Variants in SYT9 observed in about 807,000 individuals in gnomAD.
SYT9 encodes synaptotagmin 9.
Under a neutral mutation model 48.4 loss-of-function variants are expected in SYT9, and 22 were observed. The ratio of observed to expected loss-of-function variants is 0.45; its 90% CI spans 0.32 to 0.65. The LOEUF (loss-of-function observed/expected upper bound fraction) is 0.65. Among genes scored for constraint, SYT9 ranks in the 30% least tolerant of loss-of-function variants. SYT9 has a pLI of 0.03. For synonymous variants in SYT9, 265 were observed against 245.0 expected (o/e 1.08, Z -0.76); for missense variants, 577 against 622.0 (o/e 0.93, Z 0.77).
chr11:7,468,934 G>A lies in SYT9; in HGVS notation c.*2134G>A, dbSNP rs1848375043. On this transcript the variant is annotated 3_prime_UTR_variant, in exon 7 of 7. Coordinates refer to ENST00000318881, the MANE Select transcript of SYT9 (RefSeq NM_175733.4). ...CCTAGCCAGTACAGCTGTGAGCAGA[G>A]GCTGGTTATAAATTTGAACTCCCTC... The A allele has an allele frequency of 6.6e-6, 1 of 152,136 alleles. No individual in the cohort carries two copies. Among genetic ancestry groups the A allele is most frequent in the African/African-American group, 2.4e-5 (1 of 41,402 alleles). 9.4% of individuals were successfully genotyped at this position (152,136 alleles called of 1,614,324 possible). A position where few individuals can be genotyped will look rare whatever the true frequency, so the allele number is the denominator to read the frequency against.
intron 3 of SYT9, among the ~76,000 whole-genome samples, chr11:7,347,094 C>A (rs1849813479): frequency 6.6e-6 from 1 of 152,190 alleles, no homozygotes; most frequent in South Asian, 2.1e-4. Context: ...CCTGAACAAG[C>A]CAAAATGCAG....
chr11:7,467,025 T>A lies in SYT9; in HGVS notation c.*225T>A, dbSNP rs1848350416. 2 of 560,962 alleles carry A rather than the reference T, an allele frequency of 3.6e-6. No homozygotes were observed. Among genetic ancestry groups the A allele is most frequent in the East Asian group, 5.8e-5 (2 of 34,330 alleles). The allele number at this position is 560,962 out of a possible 1,614,324, so 34.7% of individuals were successfully genotyped here. The stretch of plus-strand genomic sequence containing the variant: ...CAAGGTGATGTGCTGCAGGGAAGCA[T>A]GTCTCTCATGCCAAGAACCAAGATC... On this transcript the variant is annotated 3_prime_UTR_variant, in exon 7 of 7. Coordinates refer to ENST00000318881, the MANE Select transcript of SYT9 (RefSeq NM_175733.4).
intron 3 of SYT9, among the ~76,000 whole-genome samples, chr11:7,343,305 C>A (rs7122750): frequency 0.4 from 60,190 of 152,000 alleles, 12,563 homozygotes; most frequent in African/African-American, 0.52. Flanking sequence ...TGCTGTGTTT[C>A]CCTTTTAAAA....
At chr11:7,329,671 A>G (rs1564864603) in intron 3 of SYT9, among the ~76,000 whole-genome samples, 1 of 152,244 alleles carries the variant, frequency 6.6e-6, no homozygotes. Context: ...CTCACACTCA[A>G]GAAAAGTAAT....
chr11:7,315,011 C>G (rs972234970), intron 3 of SYT9, among the ~76,000 whole-genome samples: 31 of 152,242 alleles, frequency 2.0e-4, no homozygotes, highest in Non-Finnish European at 4.4e-5. Context: ...CACCCATGCT[C>G]TGATTGCCCT....
At chr11:7,247,616 C>CGTATATATACATATATAA (rs1847809752), upstream of SYT9, among the ~76,000 whole-genome samples, 1 of 129,560 alleles carries the variant, frequency 7.7e-6, no homozygotes, top group African/African-American at 2.9e-5. Flanking sequence ...TACATATATA[C>CGTATATATACATATATAA]GTGTATATAT....
At chr11:7,384,835 A>G (rs541178548) in intron 3 of SYT9, among the ~76,000 whole-genome samples, 5 of 152,148 alleles carry the variant, frequency 3.3e-5, no homozygotes, top group South Asian at 4.1e-4. Flanking sequence ...GTTTCTCACT[A>G]TACTCCAGCT....
upstream of SYT9, among the ~76,000 whole-genome samples, chr11:7,251,244 C>A (rs897742738): frequency 3.3e-5 from 5 of 152,076 alleles, no homozygotes; most frequent in Non-Finnish European, 5.9e-5. Context: ...CTGTGATACT[C>A]CTCCTTGGGT....
chr11:7,242,633 G>A (rs1326874431), intron 1 of SYT9, among the ~76,000 whole-genome samples: 1 of 152,110 alleles, frequency 6.6e-6, no homozygotes, highest in Non-Finnish European at 1.5e-5. Flanking sequence ...ATTCCACTTT[G>A]TTTCCCAATA....
intron 3 of SYT9, among the ~76,000 whole-genome samples, chr11:7,332,219 C>T (rs1044293074): frequency 3.3e-5 from 5 of 152,192 alleles, no homozygotes; most frequent in Non-Finnish European, 2.9e-5. Flanking sequence ...GCGTGAAGAG[C>T]ACCACTGAGG....
At chr11:7,344,299 C>T (rs977901314) in intron 3 of SYT9, among the ~76,000 whole-genome samples, 4 of 152,020 alleles carry the variant, frequency 2.6e-5, no homozygotes, top group Non-Finnish European at 5.9e-5. Flanking sequence ...ATTCTGGATG[C>T]CAGTCCTTTA....
chr11:7,317,981 C>A (rs556640125), intron 3 of SYT9, among the ~76,000 whole-genome samples: 3 of 152,272 alleles, frequency 2.0e-5, no homozygotes, highest in African/African-American at 7.2e-5. Flanking sequence ...AAGTTAAACA[C>A]CCTCTCTGGT....
intron 1 of SYT9, among the ~76,000 whole-genome samples, chr11:7,300,693 T>G (rs2133933578): frequency 6.6e-6 from 1 of 152,362 alleles, no homozygotes; most frequent in East Asian, 1.9e-4. Flanking sequence ...TTCACTGCTA[T>G]GTGGAGCCTA....
chr11:7,403,209 G>A (rs1846931824), intron 3 of SYT9, among the ~76,000 whole-genome samples: 1 of 152,044 alleles, frequency 6.6e-6, no homozygotes. Context: ...TTTTAATTCA[G>A]GTCAAAATAC....
chr11:7,440,726 G>A (rs1847814977), intron 6 of SYT9: 1 of 152,244 alleles, frequency 6.6e-6, no homozygotes, highest in South Asian at 2.1e-4. Context: ...AGAATAGGTT[G>A]ATATTTAGAA....
intron 3 of SYT9, among the ~76,000 whole-genome samples, chr11:7,383,979 G>A (rs1850611256): frequency 6.6e-6 from 1 of 151,712 alleles, no homozygotes; most frequent in Non-Finnish European, 1.5e-5. Flanking sequence ...TATATAAAAT[G>A]TTAGATTTGA....
At chr11:7,307,327 G>A (rs1849051013) in intron 2 of SYT9, among the ~76,000 whole-genome samples, 1 of 152,212 alleles carries the variant, frequency 6.6e-6, no homozygotes, top group Admixed American at 6.5e-5. Flanking sequence ...TTGGTTCAAT[G>A]TAAACATCTA....
intron 3 of SYT9, among the ~76,000 whole-genome samples, chr11:7,376,237 G>GA (rs1022396825): frequency 4.0e-5 from 6 of 151,786 alleles, no homozygotes; most frequent in East Asian, 1.9e-4. Context: ...ATTTTAAAGT[G>GA]AAAACCTACC....
At chr11:7,371,890 C>T (rs1168261107) in intron 3 of SYT9, among the ~76,000 whole-genome samples, 1 of 151,992 alleles carries the variant, frequency 6.6e-6, no homozygotes, top group Non-Finnish European at 1.5e-5. Context: ...TTTGTTTATC[C>T]ATTTCTTTGC....
Sources: gnomAD v4.1 joint callset for allele counts (sites outside exome capture counted in the v4.1 genomes callset) on GRCh38, gnomAD v4.1.1 for gene constraint, MANE v1.5 for transcripts, NCBI Gene and HGNC (gene_info 2026-07-23, HGNC 2026-07-21) for gene names.